The following CALD1 variants were observed in gnomAD, a reference collection of about 807,000 sequenced individuals.
The protein encoded by CALD1 is caldesmon.
In CALD1, 33 loss-of-function variants were observed where a neutral mutation model predicts 99.9. The ratio of observed to expected loss-of-function variants is 0.33; its 90% confidence interval spans 0.25 to 0.44. The LOEUF (loss-of-function observed/expected upper bound fraction) is 0.44. Among genes scored for constraint, CALD1 ranks in the 20% least tolerant of loss-of-function variants. CALD1 has a pLI of 1.00. For missense variants in CALD1, 861 were observed against 962.1 expected, an observed-to-expected ratio of 0.89 and a Z score of 1.39; for synonymous variants, 310 against 325.0, an observed-to-expected ratio of 0.95 and a Z score of 0.50.
chr7:134,843,522 C>T (rs142785102), intron 1 of CALD1, among the ~76,000 whole-genome samples: 7 of 152,284 alleles, frequency 4.6e-5, no homozygotes, highest in Non-Finnish European at 8.8e-5. Context: ...AAAAGTTTTC[C>T]ACTTATAACA....
intron 1 of CALD1, among the ~76,000 whole-genome samples, chr7:134,754,624 T>C (rs967796627): frequency 6.6e-6 from 1 of 152,252 alleles, no homozygotes; most frequent in Admixed American, 6.5e-5. Flanking sequence ...TATTGCTTCA[T>C]GTGTGTTTTA....
Position 134,935,877 on chromosome 7 carries a change from C to G in CALD1, c.1386+112C>G. On this transcript the variant is annotated intron_variant, in intron 6 of 14. Coordinates refer to ENST00000361675, the MANE Select transcript of CALD1 (RefSeq NM_033138.4). ...TTGTAACCTCATATCCAGTGTATTT[C>G]AAGCCATGACTCACAGTCCACTGAA... 23 of 1,007,362 alleles carry G rather than the reference C, an allele frequency of 2.3e-5. 1 individual carries two copies. In the South Asian group the frequency reaches 3.8e-4, roughly 17 times the overall value. The allele number at this position is 1,007,362 out of a possible 1,614,324, so 62.4% of individuals were successfully genotyped here.
intron 3 of CALD1, among the ~76,000 whole-genome samples, chr7:134,922,043 T>C (rs1804657822): frequency 6.6e-6 from 1 of 152,204 alleles, no homozygotes; most frequent in South Asian, 2.1e-4. Flanking sequence ...AAACACATTA[T>C]TAAATTTTTT....
At chr7:134,905,624 A>C (rs957999500) in intron 3 of CALD1, among the ~76,000 whole-genome samples, 3 of 151,382 alleles carry the variant, frequency 2.0e-5, no homozygotes, top group African/African-American at 4.9e-5. Context: ...ATTACATCAG[A>C]TCCTGCTTGA....
intron 1 of CALD1, among the ~76,000 whole-genome samples, chr7:134,818,633 G>T (rs887779042): frequency 2.0e-5 from 3 of 152,118 alleles, no homozygotes; most frequent in African/African-American, 7.2e-5. Flanking sequence ...ATAGTGAAGA[G>T]CAAGGTAATT....
intron 1 of CALD1, among the ~76,000 whole-genome samples, chr7:134,822,632 C>A (rs1798827114): frequency 6.6e-6 from 1 of 152,162 alleles, no homozygotes; most frequent in Admixed American, 6.5e-5. Flanking sequence ...TGAATGCTAA[C>A]ACTCACTGTA....
intron 2 of CALD1, among the ~76,000 whole-genome samples, chr7:134,854,586 C>T (rs1280593184): frequency 2.0e-5 from 3 of 152,106 alleles, no homozygotes; most frequent in East Asian, 1.9e-4. Context: ...CTGAAGGTCA[C>T]GGCGGGATGG....
upstream of CALD1, chr7:134,779,339 A>G (rs1405214130): frequency 1.3e-5 from 3 of 239,452 alleles, no homozygotes; most frequent in East Asian, 1.6e-4. Flanking sequence ...AAGGATAACC[A>G]AAAAAGGGCA....
rs36104737 is a variant in CALD1, at chr7:134,773,782, C to CTGTGTGTG, written c.-130+29457_-130+29464dup. Among the ~76,000 whole-genome samples the CTGTGTGTG allele has an allele frequency of 3.8e-3, 521 of 138,720 alleles. 3 individuals are homozygous for CTGTGTGTG. The highest frequency in any genetic ancestry group is 0.011 in the African/African-American group (411 of 37,490). The allele number at this position is 138,720 out of a possible 152,430, so 91.0% of individuals were successfully genotyped here. ...TTCCATTTCCTACCCAACCTCTCTT[C>CTGTGTGTG]TGTGTGTGTGTGTGTGTGTGTGTGT... On this transcript the variant is annotated intron_variant, in intron 1 of 13. Transcript: ENST00000417172.
At chr7:134,927,383 T>TA (rs1050454527) in intron 3 of CALD1, among the ~76,000 whole-genome samples, 137 of 144,636 alleles carry the variant, frequency 9.5e-4, no homozygotes, top group African/African-American at 2.8e-3. Context: ...CACCATCTCT[T>TA]AAAAAAAAAA....
In CALD1 at chr7:134,928,890, G is replaced by T; in HGVS notation, c.208G>T (p.Ala70Ser). The T allele has an allele frequency of 6.2e-7, 1 of 1,612,938 alleles. No homozygotes were observed. The highest frequency in any genetic ancestry group is 8.5e-7 in the Non-Finnish European group (1 of 1,179,524). The change falls in exon 4 of 15, where the codon GCC becomes TCC. Residue 70 changes from alanine (A) to serine (S), a missense_variant. Coordinates refer to ENST00000361675, the MANE Select transcript of CALD1 (RefSeq NM_033138.4). ...GQVTDQVEVN[A>S]QNSVPDEEAK... Reference sequence around the variant, plus strand: ...GGTGACCGACCAGGTGGAGGTGAATGCCCAGAACAGGTACTGTCCTCTTTG... The same window carrying T: ...GGTGACCGACCAGGTGGAGGTGAATTCCCAGAACAGGTACTGTCCTCTTTG...
chr7:134,711,726 GTC>G, the CALD1 span, among the ~76,000 whole-genome samples: 1,875 of 96,340 alleles, frequency 0.019, 40 homozygotes, highest in African/African-American at 0.062. Context: ...GTGTGTGTGT[GTC>G]TCTCTCTCTG....
intron 3 of CALD1, among the ~76,000 whole-genome samples, chr7:134,910,861 C>A (rs139274204): frequency 2.8e-4 from 42 of 152,192 alleles, no homozygotes; most frequent in Non-Finnish European, 6.0e-4. Context: ...CATATAGTTG[C>A]AACATAATGC....
intron 1 of CALD1, among the ~76,000 whole-genome samples, chr7:134,830,293 CTG>C (rs367719201): frequency 3.2e-4 from 48 of 152,282 alleles, no homozygotes; most frequent in African/African-American, 1.2e-3. Context: ...CACCCTTCCT[CTG>C]TGTGTGTCCA....
intron 2 of CALD1, among the ~76,000 whole-genome samples, chr7:134,853,134 T>G (rs1800149266): frequency 6.6e-6 from 1 of 152,196 alleles, no homozygotes; most frequent in Non-Finnish European, 1.5e-5. Context: ...CGGGTCTGCA[T>G]GAATTCTGGC....
chr7:134,864,079 G>A (rs563187933), intron 2 of CALD1, among the ~76,000 whole-genome samples: 57 of 152,260 alleles, frequency 3.7e-4, no homozygotes, highest in African/African-American at 1.2e-3. Flanking sequence ...GGCTGGGTGC[G>A]GTGGCTCATG....
the CALD1 span, among the ~76,000 whole-genome samples, chr7:134,719,876 T>C: frequency 6.6e-6 from 1 of 152,150 alleles, no homozygotes; most frequent in South Asian, 2.1e-4. Flanking sequence ...TCACCAAAGA[T>C]GCCCCCGAAA....
At chr7:134,880,232 A>G (rs1405129029) in intron 3 of CALD1, among the ~76,000 whole-genome samples, 1 of 152,224 alleles carries the variant, frequency 6.6e-6, no homozygotes, top group East Asian at 1.9e-4. Flanking sequence ...AATAAAAGCT[A>G]GATAACTCAG....
upstream of CALD1, among the ~76,000 whole-genome samples, chr7:134,742,301 T>C (rs1462126034): frequency 6.6e-6 from 1 of 152,218 alleles, no homozygotes; most frequent in Non-Finnish European, 1.5e-5. Context: ...AGGCCATTCC[T>C]AACAGTAACG....
Sources: allele counts gnomAD v4.1 joint callset (sites outside exome capture counted in the v4.1 genomes callset), GRCh38; gene constraint gnomAD v4.1.1; transcripts MANE v1.5; gene names NCBI Gene and HGNC (gene_info 2026-07-23, HGNC 2026-07-21).